LYRM1: variants seen among roughly 807,000 people sequenced by gnomAD.
LYRM1 encodes LYR motif containing 1, also known as LYR motif-containing protein 1.
A neutral mutation model predicts 14.9 loss-of-function variants in LYRM1; 14 were observed. The ratio of observed to expected loss-of-function variants is 0.94; its 90% CI spans 0.62 to 1.47. LYRM1 has a LOEUF of 1.47. Ranked by LOEUF, LYRM1 falls within the 40% of genes most tolerant of loss-of-function variation. The probability of loss-of-function intolerance (pLI) is 0.00; values close to 1 mark genes in which losing one functional copy is unlikely to be tolerated. For synonymous variants in LYRM1, 43 were observed against 56.2 expected (o/e 0.77, Z 1.05); for missense variants, 153 against 149.9 (o/e 1.02, Z -0.11).
chr16:20,910,649 C>G (rs2082543979), intron 1 of LYRM1, among the ~76,000 whole-genome samples: 2 of 152,102 alleles, frequency 1.3e-5, no homozygotes, highest in Admixed American at 6.5e-5. Flanking sequence ...TGGCGCACGC[C>G]TGAGGTCCCA....
chr16:20,922,770 G>T (rs2083263624), intron 3 of LYRM1, among the ~76,000 whole-genome samples: 1 of 152,202 alleles, frequency 6.6e-6, no homozygotes, highest in Non-Finnish European at 1.5e-5. Flanking sequence ...TTACAGGCGT[G>T]AGCCACTGTG....
At chr16:20,908,352 A>G (rs2082424726) in intron 1 of LYRM1, among the ~76,000 whole-genome samples, 1 of 152,234 alleles carries the variant, frequency 6.6e-6, no homozygotes, top group Admixed American at 6.5e-5. Context: ...TCCCTTTGTC[A>G]CAACTAGCTA....
At position 20,915,641 on chromosome 16, in the gene LYRM1, A is replaced by G; in HGVS notation, c.86A>G (p.Gln29Arg). Residue 29 changes from glutamine to arginine, a missense_variant, in exon 2 of 4, where the codon CAG becomes CGG. Transcript: ENST00000567954. Reference protein sequence around the residue: ...LARKWQATSGQMEDTIKEKQY... With the variant: ...LARKWQATSGRMEDTIKEKQY... Reference sequence around the variant, plus strand: ...AGGAAATGGCAGGCGACATCAGGGCAGATGGAAGACACCATCAAAGAAAAA... The same window carrying G: ...AGGAAATGGCAGGCGACATCAGGGCGGATGGAAGACACCATCAAAGAAAAA... The G allele has an allele frequency of 6.2e-7, 1 of 1,614,184 alleles. No individual in the cohort carries two copies. The highest frequency in any genetic ancestry group is 8.5e-7 in the Non-Finnish European group (1 of 1,180,024).
At chr16:20,911,677 C>CT (rs907188090) in intron 1 of LYRM1, among the ~76,000 whole-genome samples, 45 of 149,828 alleles carry the variant, frequency 3.0e-4, no homozygotes, top group Non-Finnish European at 5.5e-4. Context: ...AGTAGTGGGA[C>CT]TTTTTTTTTT....
intron 1 of LYRM1, among the ~76,000 whole-genome samples, chr16:20,914,370 C>T: frequency 6.7e-6 from 1 of 149,236 alleles, no homozygotes; most frequent in Non-Finnish European, 1.5e-5. Flanking sequence ...CTCACTGCAA[C>T]CTCTGCCTCT....
chr16:20,912,066 C>G (rs1332191559), intron 1 of LYRM1, among the ~76,000 whole-genome samples: 1 of 152,040 alleles, frequency 6.6e-6, no homozygotes, highest in Non-Finnish European at 1.5e-5. Context: ...TCCCAAGTAG[C>G]TAGGACTACA....
intron 1 of LYRM1, among the ~76,000 whole-genome samples, chr16:20,904,538 G>T (rs1273009720): frequency 6.6e-6 from 1 of 152,126 alleles, no homozygotes; most frequent in African/African-American, 2.4e-5. Flanking sequence ...GTAAAAAGAT[G>T]CTGTTTCATA....
At chr16:20,902,067 C>T (rs924904794) in intron 1 of LYRM1, among the ~76,000 whole-genome samples, 2 of 152,140 alleles carry the variant, frequency 1.3e-5, no homozygotes, top group African/African-American at 2.4e-5. Flanking sequence ...GCCAAGATCG[C>T]GCCACTTCAC....
intron 3 of LYRM1, chr16:20,920,760 C>G (rs1450320434): frequency 3.2e-5 from 5 of 154,042 alleles, no homozygotes; most frequent in Non-Finnish European, 7.2e-5. Context: ...TAGTGACACA[C>G]TCCTGTATTC....
chr16:20,918,353 T>C (rs184264136), intron 2 of LYRM1, among the ~76,000 whole-genome samples: 1 of 152,268 alleles, frequency 6.6e-6, no homozygotes, highest in East Asian at 1.9e-4. Context: ...GTGCCACTGA[T>C]GGTACATGAG....
At chr16:20,919,011 C>G (rs2083051044) in intron 2 of LYRM1, among the ~76,000 whole-genome samples, 1 of 152,204 alleles carries the variant, frequency 6.6e-6, no homozygotes, top group African/African-American at 2.4e-5. Flanking sequence ...GGTGCTGATG[C>G]AATCCTAGCT....
At position 20,924,961 on chromosome 16, in the gene LYRM1, C is replaced by T. The variant is rs927842137; in HGVS notation, c.*845C>T. ...GTACATCAGTGTCATTTCTTCTTAA[C>T]CTCTGAAGAAGATGGGCATCAGAAA... On this transcript the variant is annotated 3_prime_UTR_variant, in exon 4 of 4. Transcript: ENST00000567954. 8 of 152,146 alleles carry T rather than the reference C, an allele frequency of 5.3e-5. No homozygotes were observed. Among genetic ancestry groups the T allele is most frequent in the African/African-American group, 1.9e-4 (8 of 41,424 alleles). 9.4% of individuals were successfully genotyped at this position (152,146 alleles called of 1,614,324 possible).
intron 1 of LYRM1, among the ~76,000 whole-genome samples, chr16:20,904,691 T>TTGTGTGTGTGTGTGTGTG (rs3841490): frequency 5.0e-5 from 7 of 141,148 alleles, no homozygotes; most frequent in African/African-American, 1.9e-4. Context: ...AAGTCTGTGG[T>TTGTGTGTGTGTGTGTGTG]TGTGTGTGTG....
intron 1 of LYRM1, chr16:20,902,409 G>A (rs1259357539): frequency 2.0e-5 from 3 of 152,134 alleles, no homozygotes; most frequent in Admixed American, 6.5e-5. Context: ...AGGCAGGGAG[G>A]AGCTCCCAGA....
intron 3 of LYRM1, chr16:20,920,697 G>T (rs1236725202): frequency 6.2e-6 from 1 of 161,938 alleles, no homozygotes. Flanking sequence ...AGACCAGCCT[G>T]GGCAACACAG....
chr16:20,918,823 G>A (rs2083041696), intron 2 of LYRM1, among the ~76,000 whole-genome samples: 1 of 152,208 alleles, frequency 6.6e-6, no homozygotes, highest in African/African-American at 2.4e-5. Context: ...CAAATCAGTG[G>A]CTTCTGAGAA....
rs370980603 is a variant in LYRM1 at position 20,915,549 on chromosome 16, T to C, written c.1-7T>C. ...ATTTTCCCTCTTCTATTTTGGTGGG[T>C]CTGAAGATGACAACGGCAACACGAC... On this transcript the variant is annotated splice_polypyrimidine_tract_variant and splice_region_variant and intron_variant, in intron 1 of 3. Coordinates refer to ENST00000567954, the MANE Select transcript of LYRM1 (RefSeq NM_001128302.3). 6.2e-6 allele frequency: 10 copies of C among 1,613,080 alleles called. No homozygotes were observed. The highest frequency in any genetic ancestry group is 8.5e-6 in the Non-Finnish European group (10 of 1,179,654).
chr16:20,911,350 C>G (rs745785695), intron 1 of LYRM1: 7 of 152,184 alleles, frequency 4.6e-5, no homozygotes, highest in Non-Finnish European at 1.0e-4. Context: ...GTGCCCACTT[C>G]CAGCTCCAAT....
intron 2 of LYRM1, among the ~76,000 whole-genome samples, chr16:20,918,372 G>A (rs1015383759): frequency 3.3e-5 from 5 of 152,166 alleles, no homozygotes; most frequent in African/African-American, 4.8e-5. Flanking sequence ...AGATTATTTG[G>A]GAGTGGGCGG....
Sources: allele counts gnomAD v4.1 joint callset (sites outside exome capture counted in the v4.1 genomes callset), GRCh38; gene constraint gnomAD v4.1.1; transcripts MANE v1.5; gene names NCBI Gene and HGNC (gene_info 2026-07-23, HGNC 2026-07-21).